CACNB4: variants seen among roughly 807,000 people sequenced by gnomAD.
The protein encoded by CACNB4 is calcium voltage-gated channel auxiliary subunit beta 4.
In CACNB4, 32 loss-of-function variants were observed where a neutral mutation model predicts 71.2. The observed-to-expected ratio is 0.45, with a 90% CI of 0.34 to 0.60. CACNB4 has a LOEUF of 0.60. CACNB4 is among the 20% of genes least tolerant of loss of function. The pLI is 0.01. For synonymous variants in CACNB4, 231 were observed against 236.9 expected, an observed-to-expected ratio of 0.97 and a Z score of 0.23; for missense variants, 464 against 647.9, an observed-to-expected ratio of 0.72 and a Z score of 3.08.
intron 2 of CACNB4, among the ~76,000 whole-genome samples, chr2:151,986,676 A>G (rs943886572): frequency 1.3e-5 from 2 of 152,214 alleles, no homozygotes; most frequent in Non-Finnish European, 2.9e-5. Context: ...GAAAAAATAT[A>G]TAGAGAAAAA....
intron 2 of CACNB4, among the ~76,000 whole-genome samples, chr2:152,062,765 A>T (rs1686090979): frequency 6.6e-6 from 1 of 152,192 alleles, no homozygotes; most frequent in Non-Finnish European, 1.5e-5. Flanking sequence ...ACGGGAGGAG[A>T]GGGAACTTCC....
chr2:152,051,053 C>T (rs1489815465), intron 2 of CACNB4, among the ~76,000 whole-genome samples: 2 of 152,014 alleles, frequency 1.3e-5, no homozygotes, highest in African/African-American at 2.4e-5. Flanking sequence ...CAGATGTGAG[C>T]CGCTGGGCCC....
intron 2 of CACNB4, among the ~76,000 whole-genome samples, chr2:152,023,270 G>A (rs1181818050): frequency 2.0e-5 from 3 of 152,020 alleles, no homozygotes; most frequent in Admixed American, 2.0e-4. Context: ...CTCCCACCAG[G>A]CCCTGCCCTC....
intron 2 of CACNB4, among the ~76,000 whole-genome samples, chr2:152,009,182 C>A (rs1682908550): frequency 1.4e-5 from 2 of 144,378 alleles, no homozygotes; most frequent in Non-Finnish European, 1.5e-5. Context: ...CAGTGAGACC[C>A]TGTCTCAAAA....
chr2:152,022,273 C>T (rs1381676759), intron 2 of CACNB4, among the ~76,000 whole-genome samples: 1 of 152,188 alleles, frequency 6.6e-6, no homozygotes, highest in African/African-American at 2.4e-5. Context: ...ATTCATTATA[C>T]CATGAGTGAA....
intron 2 of CACNB4, among the ~76,000 whole-genome samples, chr2:151,923,821 G>A (rs1560003577): frequency 6.6e-6 from 1 of 152,100 alleles, no homozygotes; most frequent in African/African-American, 2.4e-5. Context: ...ACTAAAATGT[G>A]GAAGACTGGG....
intron 2 of CACNB4, among the ~76,000 whole-genome samples, chr2:151,950,273 A>G (rs2099866609): frequency 6.6e-6 from 1 of 152,082 alleles, no homozygotes; most frequent in Non-Finnish European, 1.5e-5. Context: ...CCTAATGTAC[A>G]TTTTTAGCCT....
At chr2:151,931,062 A>G (rs1406633398) in intron 2 of CACNB4, among the ~76,000 whole-genome samples, 3 of 152,208 alleles carry the variant, frequency 2.0e-5, no homozygotes, top group Admixed American at 6.5e-5. Context: ...TGCCAGAACC[A>G]TATCTAAGTA....
intron 2 of CACNB4, among the ~76,000 whole-genome samples, chr2:151,911,604 G>A (rs1211272155): frequency 6.6e-6 from 1 of 152,136 alleles, no homozygotes; most frequent in African/African-American, 2.4e-5. Flanking sequence ...TTTTCACACT[G>A]ATGTTCATCA....
chr2:151,868,708 T>C (rs995837607), intron 9 of CACNB4: 1 of 152,048 alleles, frequency 6.6e-6, no homozygotes, highest in Non-Finnish European at 1.5e-5. Context: ...AGGCTTATGA[T>C]TAAAATAATT....
intron 8 of CACNB4, 44 bp downstream of exon 8, chr2:151,870,487 G>A (rs1057476317): frequency 2.7e-6 from 4 of 1,496,512 alleles, no homozygotes; most frequent in Admixed American, 1.7e-5. Flanking sequence ...ACTGTCTCCT[G>A]GGTGCTCGAT....
chr2:151,877,803 T>C (rs1466823327), intron 4 of CACNB4, among the ~76,000 whole-genome samples: 2 of 152,216 alleles, frequency 1.3e-5, no homozygotes, highest in Non-Finnish European at 2.9e-5. Context: ...TTAAGTTCCA[T>C]GACAAGCAAA....
chr2:151,950,024 A>G (rs1300862373), intron 2 of CACNB4, among the ~76,000 whole-genome samples: 1 of 152,134 alleles, frequency 6.6e-6, no homozygotes, highest in Non-Finnish European at 1.5e-5. Flanking sequence ...TGGGCAACAG[A>G]GCAAGACTCC....
Position 151,979,121 on chromosome 2 carries a change from C to A in CACNB4, c.148-95751G>T, listed in dbSNP as rs75565081. On this transcript the variant is annotated intron_variant, in intron 2 of 13. Coordinates refer to ENST00000539935, the MANE Select transcript of CACNB4 (RefSeq NM_000726.5). ...TGTCACAAAACACTGCCCAGAAGAC[C>A]GTCCTCATGAAAATCCTGTAACAAA... Among the ~76,000 whole-genome samples the A allele has an allele frequency of 3.9e-3, 594 of 152,166 alleles. 5 individuals carry two copies. The highest frequency in any genetic ancestry group is 0.014 in the African/African-American group (576 of 41,518).
chr2:151,843,002 T>C (rs2099836620), intron 12 of CACNB4, among the ~76,000 whole-genome samples: 1 of 152,226 alleles, frequency 6.6e-6, no homozygotes, highest in Admixed American at 6.5e-5. Context: ...TGGTTTCTGC[T>C]ACCACAAGAT....
chr2:151,899,958 C>A lies in CACNB4; in HGVS notation c.148-16588G>T, dbSNP rs55984203. ...AGTACAAAAAGTACCATAAAAGTAC[C>A]ATAACAAAAATACAAATCCAATCAG... On this transcript the variant is annotated intron_variant, in intron 2 of 13. Coordinates refer to ENST00000539935, the MANE Select transcript of CACNB4 (RefSeq NM_000726.5). Among the ~76,000 whole-genome samples, 306 of 152,080 alleles carry A rather than the reference C, an allele frequency of 2.0e-3. 1 individual carries two copies. The highest frequency in any genetic ancestry group is 0.017 in the Middle Eastern group (5 of 294).
chr2:151,878,625 A>C (rs2151437394), intron 4 of CACNB4, among the ~76,000 whole-genome samples: 1 of 93,776 alleles, frequency 1.1e-5, no homozygotes, highest in East Asian at 3.8e-4. Flanking sequence ...AGTGTACTAC[A>C]CAATACTACA....
chr2:151,938,365 T>C (rs1444662454), intron 2 of CACNB4, among the ~76,000 whole-genome samples: 1 of 152,230 alleles, frequency 6.6e-6, no homozygotes, highest in Non-Finnish European at 1.5e-5. Flanking sequence ...TTGTGAAATC[T>C]TGGACCTACT....
intron 9 of CACNB4, chr2:151,868,529 A>G (rs2099843759): frequency 6.6e-6 from 1 of 152,210 alleles, no homozygotes; most frequent in South Asian, 2.1e-4. Flanking sequence ...CAAAACTTAA[A>G]TGATAAAATT....
Sources: allele counts gnomAD v4.1 joint callset (sites outside exome capture counted in the v4.1 genomes callset), GRCh38; gene constraint gnomAD v4.1.1; transcripts MANE v1.5; gene names NCBI Gene and HGNC (gene_info 2026-07-23, HGNC 2026-07-21).